COL4A1: variants seen among roughly 807,000 people sequenced by gnomAD.
COL4A1 encodes collagen type IV alpha 1 chain, also known as collagen alpha-1(IV) chain.
In COL4A1, 40 loss-of-function variants were observed where a neutral mutation model predicts 216.6. The observed-to-expected ratio is 0.18, with a 90% confidence interval of 0.14 to 0.24. COL4A1 has a LOEUF of 0.24. Ranked by LOEUF, COL4A1 falls within the 10% of genes least tolerant of loss-of-function variation. The probability of loss-of-function intolerance (pLI) is 1.00; values close to 1 mark genes in which losing one functional copy is unlikely to be tolerated. For missense variants in COL4A1, 1,628 were observed against 2,196.8 expected (o/e 0.74, Z 5.18); for synonymous variants, 839 against 810.7 (o/e 1.03, Z -0.59).
At chr13:110,282,504 A>T (rs980033598) in intron 1 of COL4A1, among the ~76,000 whole-genome samples, 1 of 152,174 alleles carries the variant, frequency 6.6e-6, no homozygotes, top group African/African-American at 2.4e-5. Flanking sequence ...TCCAATGCAC[A>T]TCCTTTAGAT....
chr13:110,178,013 G>A (rs1350833560), intron 32 of COL4A1, 51 bp downstream of exon 32: 3 of 1,613,886 alleles, frequency 1.9e-6, no homozygotes, highest in African/African-American at 2.7e-5. Context: ...AGAATAAGGT[G>A]AGGCCCATGT....
intron 1 of COL4A1, among the ~76,000 whole-genome samples, chr13:110,290,218 A>G (rs35513412): frequency 6.6e-6 from 1 of 152,142 alleles, no homozygotes; most frequent in Admixed American, 6.5e-5. Flanking sequence ...GTTAGACAAC[A>G]AGTGCGAACA....
In COL4A1 at chr13:110,294,101, G is replaced by A. The variant is rs192236276; in HGVS notation, c.84+12843C>T. On this transcript the variant is annotated intron_variant, in intron 1 of 51. Transcript: ENST00000375820. Reference sequence around the variant, plus strand: ...GAGTAGGCGCTGAGCTGGAGGAGACGAGCCCCCAATTTCTTGGTGCTGCCA... The same window carrying A: ...GAGTAGGCGCTGAGCTGGAGGAGACAAGCCCCCAATTTCTTGGTGCTGCCA... Among the ~76,000 whole-genome samples, 342 of 152,198 alleles carry A rather than the reference G, an allele frequency of 2.2e-3. 3 individuals are homozygous for A. The highest frequency in any genetic ancestry group is 0.014 in the South Asian group (66 of 4,800).
chr13:110,220,299 G>T (rs1880413336), intron 2 of COL4A1, among the ~76,000 whole-genome samples: 1 of 152,092 alleles, frequency 6.6e-6, no homozygotes, highest in African/African-American at 2.4e-5. Flanking sequence ...CAACATCATA[G>T]CTTAGCCTAG....
chr13:110,213,730 C>G, intron 4 of COL4A1, 52 bp downstream of exon 4: 1 of 1,575,844 alleles, frequency 6.3e-7, no homozygotes, highest in Non-Finnish European at 8.7e-7. Context: ...GCTCTGGAAG[C>G]GGGCCTGTCC....
At chr13:110,299,371 C>T (rs367599421) in intron 1 of COL4A1, among the ~76,000 whole-genome samples, 13 of 152,238 alleles carry the variant, frequency 8.5e-5, no homozygotes, top group Middle Eastern at 3.2e-3. Flanking sequence ...TGTTGGACAA[C>T]GGCTGAAGGA....
At chr13:110,256,367 A>C (rs1882570511) in intron 1 of COL4A1, among the ~76,000 whole-genome samples, 1 of 152,212 alleles carries the variant, frequency 6.6e-6, no homozygotes, top group South Asian at 2.1e-4. Flanking sequence ...GACGAGGATG[A>C]TACTCGGGAG....
chr13:110,226,314 G>A (rs1880734049), intron 2 of COL4A1, among the ~76,000 whole-genome samples: 1 of 152,144 alleles, frequency 6.6e-6, no homozygotes, highest in African/African-American at 2.4e-5. Flanking sequence ...TTCAAGCATA[G>A]AACATTCCAT....
intron 1 of COL4A1, among the ~76,000 whole-genome samples, chr13:110,292,108 CGCTGAGA>C (rs1310264140): frequency 1.5e-4 from 23 of 152,312 alleles, no homozygotes; most frequent in Non-Finnish European, 2.1e-4. Context: ...TCCTGCCTGC[CGCTGAGA>C]GCCAAAGCTT....
At chr13:110,293,149 G>C (rs970724781) in intron 1 of COL4A1, among the ~76,000 whole-genome samples, 1 of 152,188 alleles carries the variant, frequency 6.6e-6, no homozygotes, top group Non-Finnish European at 1.5e-5. Flanking sequence ...TGCCACCGTT[G>C]GGGGCTGGAG....
At chr13:110,195,373 G>T (rs539797128) in intron 21 of COL4A1, among the ~76,000 whole-genome samples, 1 of 152,268 alleles carries the variant, frequency 6.6e-6, no homozygotes, top group Admixed American at 6.5e-5. Flanking sequence ...AGTATCTGTA[G>T]GTGCATCAGC....
chr13:110,242,431 C>T (rs1881608841), intron 2 of COL4A1, among the ~76,000 whole-genome samples: 1 of 152,066 alleles, frequency 6.6e-6, no homozygotes, highest in South Asian at 2.1e-4. Flanking sequence ...GAAAATAAAC[C>T]AAATATGTTT....
chr13:110,242,631 C>T, intron 2 of COL4A1, 44 bp downstream of exon 2: 4 of 1,589,446 alleles, frequency 2.5e-6, no homozygotes, highest in African/African-American at 1.3e-5. Flanking sequence ...TACTTACTGT[C>T]CAATTCACAA....
At position 110,307,151 on chromosome 13, in the gene COL4A1, G is replaced by C. The variant is rs1220427041; in HGVS notation, c.-124C>G. On this transcript the variant is annotated 5_prime_UTR_variant, in exon 1 of 52. Coordinates refer to ENST00000375820, the MANE Select transcript of COL4A1 (RefSeq NM_001845.6). This position sits in a 1 kb window ranked among gnomAD's most constrained non-coding sequence, Gnocchi z 5.0. ...GTCCCGGGTGCGGCGGCTCCAAGCG[G>C]AGACCTGAGCGCGGCGGGCCGAGCT... 1.3e-6 allele frequency: 1 copy of C among 752,352 alleles called. No homozygotes were observed. Among genetic ancestry groups the C allele is most frequent in the Non-Finnish European group, 1.9e-6 (1 of 521,752 alleles). 46.6% of individuals were successfully genotyped at this position (752,352 alleles called of 1,614,324 possible).
chr13:110,302,493 C>G (rs1884534366), intron 1 of COL4A1, among the ~76,000 whole-genome samples: 1 of 152,136 alleles, frequency 6.6e-6, no homozygotes, highest in Non-Finnish European at 1.5e-5. Flanking sequence ...AGAGCTGCCC[C>G]TGCAGCTCAC....
chr13:110,240,056 A>G (rs777673175), intron 2 of COL4A1, among the ~76,000 whole-genome samples: 6 of 152,226 alleles, frequency 3.9e-5, no homozygotes, highest in Non-Finnish European at 7.4e-5. Flanking sequence ...TGTTAAAATG[A>G]TATAATACTA....
At chr13:110,193,057 A>T (rs888637731) in intron 22 of COL4A1, 144 bp from the exon 23 acceptor site, 74 of 745,460 alleles carry the variant, frequency 9.9e-5, no homozygotes, top group Admixed American at 2.2e-4. Context: ...GCTCCTCCAG[A>T]CAGCTCTCTG....
chr13:110,231,629 T>C (rs542374891), intron 2 of COL4A1, among the ~76,000 whole-genome samples: 24 of 152,230 alleles, frequency 1.6e-4, no homozygotes, highest in African/African-American at 5.8e-4. Context: ...TAGGGCAGGC[T>C]CCAGGACTGC....
intron 1 of COL4A1, among the ~76,000 whole-genome samples, chr13:110,296,451 G>A (rs1383701031): frequency 2.0e-5 from 3 of 152,172 alleles, no homozygotes; most frequent in African/African-American, 4.8e-5. Flanking sequence ...AAGTACATAC[G>A]AATATCGATA....
Sources: allele counts gnomAD v4.1 joint callset (sites outside exome capture counted in the v4.1 genomes callset), GRCh38; gene constraint gnomAD v4.1.1; non-coding constraint Gnocchi (gnomAD v3.1); transcripts MANE v1.5; gene names NCBI Gene and HGNC (gene_info 2026-07-23, HGNC 2026-07-21).